RGPD4: variants seen among roughly 807,000 people sequenced by gnomAD.
RGPD4 encodes the protein ranBP2-like and GRIP domain-containing protein 4.
A neutral mutation model predicts 141.1 loss-of-function variants in RGPD4; 84 were observed. That is an observed-to-expected ratio of 0.60 (90% CI 0.50 to 0.71). The LOEUF (loss-of-function observed/expected upper bound fraction) is 0.71, where lower values mean the gene tolerates loss of function less well. RGPD4 is among the 30% of genes least tolerant of loss of function. The pLI is 0.00. For missense variants in RGPD4, 918 were observed against 1,622.4 expected (o/e 0.57, Z 7.46); for synonymous variants, 298 against 566.8 (o/e 0.53, Z 6.74).
intron 9 of RGPD4, among the ~76,000 whole-genome samples, chr2:107,857,428 C>T (rs1318551160): frequency 3.4e-5 from 5 of 148,226 alleles, no homozygotes; most frequent in South Asian, 2.2e-4. Flanking sequence ...TGTGAGCCAC[C>T]GTGACCAGCC....
intron 17 of RGPD4, among the ~76,000 whole-genome samples, chr2:107,865,914 C>CA (rs955405470): frequency 1.4e-5 from 2 of 140,230 alleles, no homozygotes; most frequent in African/African-American, 5.6e-5. Flanking sequence ...TACTATTATA[C>CA]AAAAAATTAG....
At position 107,870,780 on chromosome 2, in the gene RGPD4, G is replaced by T; in HGVS notation, c.2776G>T (p.Gly926Cys). The T allele has an allele frequency of 6.2e-7, 1 of 1,609,582 alleles. No individual in the cohort carries two copies. The highest frequency in any genetic ancestry group is 8.5e-7 in the Non-Finnish European group (1 of 1,178,834). ...TGTGTCTGCTGATGGATTTAAATTT[G>T]GCATTTCGGAACCAGGAAATCAAGA... ...IPVSADGFKFGISEPGNQEKE... is the reference protein window; with the variant it reads ...IPVSADGFKFCISEPGNQEKE... The change falls in exon 20 of 23, where the codon GGC becomes TGC. Residue 926 changes from glycine to cysteine, a missense_variant. Physicochemically the swap from Gly to Cys is radical, Grantham distance 159. Coordinates refer to ENST00000408999, the MANE Select transcript of RGPD4 (RefSeq NM_182588.3).
In RGPD4 at chr2:107,833,651, TACTTTAATA is replaced by T. The variant is rs1248546951; in HGVS notation, c.73-2948_73-2940del. On this transcript the variant is annotated intron_variant, in intron 1 of 22. Coordinates refer to ENST00000408999, the MANE Select transcript of RGPD4 (RefSeq NM_182588.3). ...GTTGTTTAATTATCTTAAGATTGTCTACTTTAATAACATAGTTGGAAGCAAAGAAGGTAA... is the reference window on the plus strand; with the variant it reads ...GTTGTTTAATTATCTTAAGATTGTCTACATAGTTGGAAGCAAAGAAGGTAA... 2.0e-5 allele frequency among the ~76,000 whole-genome samples: 3 copies of T among 150,610 alleles called. No homozygotes were observed. In the Admixed American group the frequency reaches 2.0e-4, roughly 10 times the overall value.
intron 22 of RGPD4, chr2:107,883,152 T>C (rs1179520411): frequency 4.6e-6 from 3 of 647,976 alleles, no homozygotes; most frequent in East Asian, 3.1e-5. Flanking sequence ...TGTTGCGTTC[T>C]GGTGTTCAGC....
chr2:107,891,004 A>G lies in RGPD4; in HGVS notation c.*273A>G, dbSNP rs1675642676. On this transcript the variant is annotated 3_prime_UTR_variant, in exon 23 of 23. Coordinates refer to ENST00000408999, the MANE Select transcript of RGPD4 (RefSeq NM_182588.3). Reference sequence around the variant, plus strand: ...ATACCAGGCCACAGCCCTCTAACTCATGTGATCTCCCATGCATGCTGCCAG... The same window carrying G: ...ATACCAGGCCACAGCCCTCTAACTCGTGTGATCTCCCATGCATGCTGCCAG... 7.1e-6 allele frequency among the ~76,000 whole-genome samples: 1 copy of G among 140,830 alleles called. No individual in the cohort carries two copies. Among genetic ancestry groups the G allele is most frequent in the East Asian group, 1.9e-4 (1 of 5,170 alleles). The allele number at this position is 140,830 out of a possible 152,430, so 92.4% of individuals were successfully genotyped here. A position where few individuals can be genotyped will look rare whatever the true frequency, so the allele number is the denominator to read the frequency against.
At position 107,828,139 on chromosome 2, in the gene RGPD4, G is replaced by C. The variant is rs1258699422; in HGVS notation, c.72+1054G>C. On this transcript the variant is annotated intron_variant, in intron 1 of 22. Coordinates refer to ENST00000408999, the MANE Select transcript of RGPD4 (RefSeq NM_182588.3). The stretch of plus-strand genomic sequence containing the variant: ...CTCGACCTGGCCCGGCGGCGGCCTC[G>C]ATGGCTCAGGCATCATGGTTCCCGA... Among the ~76,000 whole-genome samples the C allele has an allele frequency of 3.4e-4, 4 of 11,644 alleles. 1 individual carries two copies. Among genetic ancestry groups the C allele is most frequent in the African/African-American group, 1.3e-3 (1 of 778 alleles). The allele number at this position is 11,644 out of a possible 152,430, so 7.6% of individuals were successfully genotyped here.
intron 1 of RGPD4, among the ~76,000 whole-genome samples, chr2:107,833,835 G>A (rs1156613405): frequency 6.6e-6 from 1 of 152,040 alleles, no homozygotes; most frequent in Non-Finnish European, 1.5e-5. Context: ...TCGAGAGAGC[G>A]ACACCATCTG....
chr2:107,888,701 A>C (rs3868864), intron 22 of RGPD4, among the ~76,000 whole-genome samples: 11 of 91,438 alleles, frequency 1.2e-4, no homozygotes, highest in African/African-American at 4.4e-4. Flanking sequence ...TTGCTAGTGG[A>C]CTCTCTCTGT....
chr2:107,863,524 G>A (rs965440946), intron 17 of RGPD4, among the ~76,000 whole-genome samples: 16 of 149,548 alleles, frequency 1.1e-4, no homozygotes, highest in Non-Finnish European at 1.5e-4. Context: ...ACAGAGGCTC[G>A]CTCTGTTGCC....
intron 1 of RGPD4, among the ~76,000 whole-genome samples, chr2:107,831,007 A>C (rs866145037): frequency 1.6e-5 from 2 of 128,474 alleles, no homozygotes; most frequent in South Asian, 5.1e-4. Context: ...GTGAAAATCC[A>C]TCTCTATTAA....
chr2:107,867,184 A>C (rs1277280027), intron 18 of RGPD4, among the ~76,000 whole-genome samples: 1 of 149,202 alleles, frequency 6.7e-6, no homozygotes, highest in Non-Finnish European at 1.5e-5. Flanking sequence ...TTGCCAGTAT[A>C]ATACATTGCT....
intron 22 of RGPD4, among the ~76,000 whole-genome samples, chr2:107,884,294 G>A (rs1387069980): frequency 1.3e-5 from 2 of 152,142 alleles, no homozygotes; most frequent in Non-Finnish European, 2.9e-5. Flanking sequence ...TAGAGACGAG[G>A]TTTCACCATG....
chr2:107,834,151 G>A (rs1226590216), intron 1 of RGPD4, among the ~76,000 whole-genome samples: 3 of 151,712 alleles, frequency 2.0e-5, no homozygotes, highest in African/African-American at 7.3e-5. Flanking sequence ...GATTGCAGGT[G>A]TTAGCCTGGC....
chr2:107,836,487 A>C, intron 1 of RGPD4, 115 bp from the exon 2 acceptor site: 1 of 1,043,280 alleles, frequency 9.6e-7, no homozygotes, highest in Non-Finnish European at 1.3e-6. Flanking sequence ...AAAATTTTTA[A>C]GTGAATGAAA....
At chr2:107,873,633 G>A (rs909739442) in intron 20 of RGPD4, among the ~76,000 whole-genome samples, 5 of 149,398 alleles carry the variant, frequency 3.3e-5, no homozygotes, top group Non-Finnish European at 7.4e-5. Context: ...TTTATGTGTT[G>A]TATGTCAGTC....
chr2:107,878,127 T>G (rs967657410), intron 20 of RGPD4, among the ~76,000 whole-genome samples: 27 of 151,186 alleles, frequency 1.8e-4, no homozygotes, highest in African/African-American at 6.4e-4. Context: ...GACTAAATTT[T>G]AAGAAATGTT....
chr2:107,883,386 CTT>C (rs1317394001), intron 22 of RGPD4, among the ~76,000 whole-genome samples: 1 of 151,586 alleles, frequency 6.6e-6, no homozygotes, highest in Non-Finnish European at 1.5e-5. Context: ...AATCCCACCA[CTT>C]TGGGAGGCCG....
At chr2:107,832,662 G>A (rs1381699956) in intron 1 of RGPD4, among the ~76,000 whole-genome samples, 1 of 145,442 alleles carries the variant, frequency 6.9e-6, no homozygotes, top group Admixed American at 6.8e-5. Context: ...GGCTGGTCTG[G>A]AAACTAATGG....
chr2:107,834,734 A>G (rs1463969039), intron 1 of RGPD4, among the ~76,000 whole-genome samples: 1 of 133,746 alleles, frequency 7.5e-6, no homozygotes, highest in Non-Finnish European at 1.6e-5. Context: ...AAGAAAAAAG[A>G]TCATATACTG....
Sources: gnomAD v4.1 joint callset for allele counts (sites outside exome capture counted in the v4.1 genomes callset) on GRCh38, gnomAD v4.1.1 for gene constraint, MANE v1.5 for transcripts, NCBI Gene and HGNC (gene_info 2026-07-23, HGNC 2026-07-21) for gene names.